CASP2: variants seen among roughly 807,000 people sequenced by gnomAD.
The protein encoded by CASP2 is caspase-2.
Under a neutral mutation model 54.4 loss-of-function variants are expected in CASP2, and 38 were observed. That is an observed-to-expected ratio of 0.70 (90% CI 0.54 to 0.92). CASP2 has a LOEUF of 0.92. CASP2 is among the 40% of genes least tolerant of loss of function. The pLI is 0.00. For synonymous variants in CASP2, 215 were observed against 216.3 expected (o/e 0.99, Z 0.05); for missense variants, 512 against 579.6 (o/e 0.88, Z 1.20).
chr7:143,292,174 C>A, intron 2 of CASP2, 126 bp from the exon 3 acceptor site: 1 of 873,640 alleles, frequency 1.1e-6, no homozygotes, highest in Non-Finnish European at 1.9e-6. Context: ...AAGGACTTCA[C>A]CCATACATAC....
chr7:143,296,212 C>G (rs1801743549), intron 6 of CASP2, among the ~76,000 whole-genome samples: 1 of 152,156 alleles, frequency 6.6e-6, no homozygotes, highest in Non-Finnish European at 1.5e-5. Context: ...TATGGTAAGC[C>G]TGATGCATAT....
At chr7:143,295,596 A>C (rs1801721553) in intron 6 of CASP2, among the ~76,000 whole-genome samples, 1 of 152,244 alleles carries the variant, frequency 6.6e-6, no homozygotes, top group African/African-American at 2.4e-5. Context: ...TGAAATTAAA[A>C]TTGCTAGGAG....
Position 143,288,469 on chromosome 7 carries a change from G to C in CASP2, c.14G>C (p.Ser5Thr). ...GAAAAGCGGGAAATGGCGGCGCCGA[G>C]CGCGGGGTCTTGGTCCACCTTCCAG... MAAPSAGSWSTFQHK... is the reference protein window; with the variant it reads MAAPTAGSWSTFQHK... Residue 5 changes from serine to threonine, a missense_variant, in exon 1 of 11, where the codon AGC becomes ACC. Coordinates refer to ENST00000310447, the MANE Select transcript of CASP2 (RefSeq NM_032982.4). The C allele has an allele frequency of 1.2e-6, 2 of 1,613,164 alleles. No homozygotes were observed. Among genetic ancestry groups the C allele is most frequent in the Non-Finnish European group, 1.7e-6 (2 of 1,179,682 alleles).
At chr7:143,304,127 A>G (rs565022755) in intron 9 of CASP2, among the ~76,000 whole-genome samples, 194 bp downstream of exon 9, 5 of 152,280 alleles carry the variant, frequency 3.3e-5, no homozygotes, top group South Asian at 4.1e-4. Flanking sequence ...CCCGTATCCA[A>G]ATATTCTAAA....
rs1328821298 is a variant in CASP2 at position 143,303,953 on chromosome 7, A to AC, written c.1117+20_1117+21insC. ...TCAAAGGTACTTTGAGTTCCAAAAG[A>AC]GTTGAGTCATACCTCATTTTGTTGC... is the stretch of plus-strand genomic sequence containing the variant. On this transcript the variant is annotated intron_variant, in intron 9 of 10. Coordinates refer to ENST00000310447, the MANE Select transcript of CASP2 (RefSeq NM_032982.4). 3 of 1,564,944 alleles carry AC rather than the reference A, an allele frequency of 1.9e-6. No individual in the cohort carries two copies. The highest frequency in any genetic ancestry group is 1.7e-6 in the Non-Finnish European group (2 of 1,154,048).
intron 1 of CASP2, chr7:143,289,601 G>C: frequency 1.0e-6 from 1 of 983,154 alleles, no homozygotes; most frequent in Non-Finnish European, 1.2e-6. Flanking sequence ...GGAAGAGAAC[G>C]ATTTAAGGAG....
chr7:143,294,734 G>T lies in CASP2; in HGVS notation c.708G>T (p.Leu236Phe). 6.2e-7 allele frequency: 1 copy of T among 1,614,176 alleles called. No individual in the cohort carries two copies. The highest frequency in any genetic ancestry group is 1.7e-5 in the Admixed American group (1 of 60,024). ...CTCTAGTCACCCTCTTCAAGCTTTT[G>T]GGCTATGACGTCCATGTTCTATGTG... ...HSTLVTLFKLLGYDVHVLCDQ... is the reference protein window; with the variant it reads ...HSTLVTLFKLFGYDVHVLCDQ... Residue 236 changes from leucine (L) to phenylalanine (F), a missense_variant, in exon 6 of 11, where the codon TTG (leucine) becomes TTT (phenylalanine). By Grantham distance (22) the Leu-to-Phe change is conservative. Around this residue, in one of 3 missense-constraint regions of CASP2, gnomAD observed 417 missense variants for 495.4 expected, o/e 0.84. Coordinates refer to ENST00000310447, the MANE Select transcript of CASP2 (RefSeq NM_032982.4).
At chr7:143,304,483 A>C (rs1169598183) in intron 9 of CASP2, among the ~76,000 whole-genome samples, 191 bp from the exon 10 acceptor site, 1 of 152,226 alleles carries the variant, frequency 6.6e-6, no homozygotes, top group African/African-American at 2.4e-5. Context: ...CACTTTCTTA[A>C]GCTGGTCTGG....
intron 4 of CASP2, chr7:143,293,215 A>C: frequency 1.7e-6 from 1 of 585,168 alleles, no homozygotes; most frequent in Non-Finnish European, 3.0e-6. Flanking sequence ...GCAGCGTTGA[A>C]CTCCTGGGTT....
chr7:143,296,234 T>C (rs553044211), intron 6 of CASP2, among the ~76,000 whole-genome samples: 2 of 152,350 alleles, frequency 1.3e-5, no homozygotes, highest in East Asian at 1.9e-4. Context: ...CAGTGACCTA[T>C]TGGATTCTAA....
At chr7:143,295,234 G>A (rs1407377585) in intron 6 of CASP2, among the ~76,000 whole-genome samples, 1 of 152,076 alleles carries the variant, frequency 6.6e-6, no homozygotes, top group African/African-American at 2.4e-5. Context: ...TGCCATGTTG[G>A]CCAGGCTGGT....
intron 4 of CASP2, chr7:143,293,329 T>A (rs1436204994): frequency 2.3e-6 from 1 of 431,118 alleles, no homozygotes; most frequent in South Asian, 6.3e-5. Context: ...AGTCTCACTT[T>A]GTTACCCAGG....
chr7:143,295,044 T>A (rs1406875553), intron 6 of CASP2, among the ~76,000 whole-genome samples: 2 of 151,448 alleles, frequency 1.3e-5, no homozygotes, highest in Non-Finnish European at 3.0e-5. Context: ...TTTTTTTTTT[T>A]AAAGACAGAG....
In CASP2 at chr7:143,307,149, C is replaced by T. The variant is rs1267772486; in HGVS notation, c.*2078C>T. 6.6e-6 allele frequency: 1 copy of T among 152,210 alleles called. No individual in the cohort carries two copies. The highest frequency in any genetic ancestry group is 1.5e-5 in the Non-Finnish European group (1 of 68,050). 9.4% of individuals were successfully genotyped at this position (152,210 alleles called of 1,614,324 possible). A position where few individuals can be genotyped will look rare whatever the true frequency, so the allele number is the denominator to read the frequency against. On this transcript the variant is annotated 3_prime_UTR_variant, in exon 11 of 11. Coordinates refer to ENST00000310447, the MANE Select transcript of CASP2 (RefSeq NM_032982.4). Reference sequence around the variant, plus strand: ...TCTGTCACCACATCTTGTCTTTTCCCCTCATTGCATTTATTGCAGTTTATA... The same window carrying T: ...TCTGTCACCACATCTTGTCTTTTCCTCTCATTGCATTTATTGCAGTTTATA...
chr7:143,306,069 A>G lies in CASP2; in HGVS notation c.*998A>G, dbSNP rs1802052583. 6.6e-6 allele frequency: 1 copy of G among 152,154 alleles called. No individual in the cohort carries two copies. Among genetic ancestry groups the G allele is most frequent in the Non-Finnish European group, 1.5e-5 (1 of 68,044 alleles). 9.4% of individuals were successfully genotyped at this position (152,154 alleles called of 1,614,324 possible). A position where few individuals can be genotyped will look rare whatever the true frequency, so the allele number is the denominator to read the frequency against. ...AAATCTGTCTAGAATCCTGCTTTAC[A>G]GGATCATGTAAATGCTCAAAGATGT... On this transcript the variant is annotated 3_prime_UTR_variant, in exon 11 of 11. Coordinates refer to ENST00000310447, the MANE Select transcript of CASP2 (RefSeq NM_032982.4).
chr7:143,305,264 C>A lies in CASP2; in HGVS notation c.*193C>A. 1.4e-6 allele frequency: 1 copy of A among 716,138 alleles called. No individual in the cohort carries two copies. The highest frequency in any genetic ancestry group is 2.4e-6 in the Non-Finnish European group (1 of 415,590). 44.4% of individuals were successfully genotyped at this position (716,138 alleles called of 1,614,324 possible). ...CCAGGCCAGCTCCTTTTCTGTGAAG[C>A]CCTTTGCCTGTAGAGCCAGCCTTGG... On this transcript the variant is annotated 3_prime_UTR_variant, in exon 11 of 11. Transcript: ENST00000310447.
At chr7:143,289,712 C>G in intron 1 of CASP2, 2 of 554,528 alleles carry the variant, frequency 3.6e-6, no homozygotes, top group Non-Finnish European at 4.6e-6. Context: ...TTGACGTATT[C>G]GAAAGTGATT....
At chr7:143,291,762 G>C (rs1801569602) in intron 2 of CASP2, 72 bp downstream of exon 2, 2 of 1,077,750 alleles carry the variant, frequency 1.9e-6, no homozygotes, top group Non-Finnish European at 2.7e-6. Flanking sequence ...ATATGGAAAG[G>C]GTGTCGTATC....
chr7:143,300,780 T>C, intron 8 of CASP2: 5 of 1,185,144 alleles, frequency 4.2e-6, no homozygotes, highest in Non-Finnish European at 5.3e-6. Context: ...TTACCATTCT[T>C]GGGTCATGCA....
Sources: gnomAD v4.1 joint callset for allele counts (sites outside exome capture counted in the v4.1 genomes callset) on GRCh38, gnomAD v4.1.1 for gene constraint, gnomAD v4.1.1 regional missense constraint, MANE v1.5 for transcripts, NCBI Gene and HGNC (gene_info 2026-07-23, HGNC 2026-07-21) for gene names.